TIAM1: variants seen among roughly 807,000 people sequenced by gnomAD.
The protein encoded by TIAM1 is TIAM Rac1 associated GEF 1, also known as rho guanine nucleotide exchange factor TIAM1.
TIAM1 carries 65 observed loss-of-function variants against 163.5 expected under a neutral mutation model. The observed-to-expected ratio is 0.40, with a 90% CI of 0.33 to 0.49. The LOEUF (loss-of-function observed/expected upper bound fraction) is 0.49. Among genes scored for constraint, TIAM1 ranks in the 20% least tolerant of loss-of-function variants. The probability of loss-of-function intolerance (pLI) is 0.77; values close to 1 mark genes in which losing one functional copy is unlikely to be tolerated. For missense variants in TIAM1, 1,789 were observed against 2,044.7 expected (o/e 0.87, Z 2.41); for synonymous variants, 833 against 810.1 (o/e 1.03, Z -0.48).
chr21:31,522,946 A>G (rs1310785929), intron 1 of TIAM1, among the ~76,000 whole-genome samples: 1 of 152,220 alleles, frequency 6.6e-6, no homozygotes, highest in Non-Finnish European at 1.5e-5. Flanking sequence ...TAAATTTAGG[A>G]GCAATCACAA....
At chr21:31,505,874 T>A (rs543241332) in intron 1 of TIAM1, among the ~76,000 whole-genome samples, 4 of 151,854 alleles carry the variant, frequency 2.6e-5, no homozygotes, top group Admixed American at 2.6e-4. Flanking sequence ...CCGGACGTGG[T>A]GGCGGGTGCC....
chr21:31,545,863 T>A (rs758283301), intron 1 of TIAM1, among the ~76,000 whole-genome samples: 1 of 152,128 alleles, frequency 6.6e-6, no homozygotes, highest in Non-Finnish European at 1.5e-5. Context: ...GTAAAGTGGA[T>A]TACAAAACGA....
At chr21:31,475,033 T>TA (rs1409388902) in intron 1 of TIAM1, among the ~76,000 whole-genome samples, 2 of 63,110 alleles carry the variant, frequency 3.2e-5, no homozygotes, top group Non-Finnish European at 6.5e-5. Flanking sequence ...TTTTTATTAT[T>TA]ATTATTATTA....
chr21:31,491,187 G>A (rs1481082605), intron 1 of TIAM1, among the ~76,000 whole-genome samples: 1 of 152,124 alleles, frequency 6.6e-6, no homozygotes, highest in East Asian at 1.9e-4. Context: ...AGGAGCCCAA[G>A]GATCAAGCAA....
At chr21:31,217,411 G>A (rs1332099190) in intron 9 of TIAM1, 142 bp downstream of exon 9, 1 of 1,145,584 alleles carries the variant, frequency 8.7e-7, no homozygotes, top group Non-Finnish European at 1.2e-6. Flanking sequence ...TATTAAAAGT[G>A]TCTAGCACAG....
At chr21:31,174,298 T>C (rs1482915641) in intron 15 of TIAM1, among the ~76,000 whole-genome samples, 2 of 152,254 alleles carry the variant, frequency 1.3e-5, no homozygotes, top group East Asian at 3.9e-4. Context: ...TGCTCAGCAC[T>C]TGGCAATTCC....
At chr21:31,316,726 G>T (rs1199972815) in intron 2 of TIAM1, among the ~76,000 whole-genome samples, 1 of 152,192 alleles carries the variant, frequency 6.6e-6, no homozygotes, top group African/African-American at 2.4e-5. Flanking sequence ...GGGAAGGTGA[G>T]TCATTGATGT....
intron 2 of TIAM1, among the ~76,000 whole-genome samples, chr21:31,277,477 C>G (rs953418019): frequency 2.6e-4 from 40 of 152,176 alleles, no homozygotes; most frequent in African/African-American, 9.7e-4. Context: ...GAAACCCCAT[C>G]TTTACTAAAA....
intron 2 of TIAM1, among the ~76,000 whole-genome samples, chr21:31,290,039 C>T (rs1292452503): frequency 2.0e-5 from 3 of 152,088 alleles, no homozygotes; most frequent in Non-Finnish European, 2.9e-5. Context: ...ATGCCCACCC[C>T]GAAGAGTATG....
At chr21:31,154,183 A>T in intron 17 of TIAM1, 64 bp downstream of exon 17, 1 of 1,540,164 alleles carries the variant, frequency 6.5e-7, no homozygotes, top group Non-Finnish European at 8.8e-7. Context: ...GAAAACCAGC[A>T]GACACACCAA....
chr21:31,328,075 G>C (rs1338573470), intron 2 of TIAM1, among the ~76,000 whole-genome samples: 1 of 152,014 alleles, frequency 6.6e-6, no homozygotes, highest in Non-Finnish European at 1.5e-5. Context: ...TGCTCCCTCT[G>C]TCAGCACAGG....
chr21:31,370,083 T>C (rs538707775), intron 2 of TIAM1, among the ~76,000 whole-genome samples: 13 of 152,188 alleles, frequency 8.5e-5, no homozygotes, highest in Non-Finnish European at 1.6e-4. Context: ...AAGCAGGCCC[T>C]CACCAGGCAC....
chr21:31,235,441 G>A (rs1026939698), intron 6 of TIAM1, among the ~76,000 whole-genome samples: 11 of 152,120 alleles, frequency 7.2e-5, no homozygotes, highest in African/African-American at 2.4e-4. Flanking sequence ...GGGAAGATGA[G>A]GAAAGAAGAA....
chr21:31,194,072 G>C (rs992492912), intron 13 of TIAM1, among the ~76,000 whole-genome samples: 1 of 151,978 alleles, frequency 6.6e-6, no homozygotes, highest in African/African-American at 2.4e-5. Flanking sequence ...TCCGCCGCTG[G>C]CCGGAAGACC....
At chr21:31,199,617 G>A (rs751717318) in intron 12 of TIAM1, among the ~76,000 whole-genome samples, 8 of 149,702 alleles carry the variant, frequency 5.3e-5, no homozygotes, top group South Asian at 4.2e-4. Flanking sequence ...TGTAACCTCC[G>A]CCTCCCGGGT....
intron 1 of TIAM1, among the ~76,000 whole-genome samples, chr21:31,525,176 C>T (rs1446237204): frequency 6.6e-6 from 1 of 152,006 alleles, no homozygotes; most frequent in Non-Finnish European, 1.5e-5. Flanking sequence ...TCAAGACCAG[C>T]CTGGCCAACA....
At chr21:31,546,915 ACTGTCTCAG>A (rs2048516147) in intron 1 of TIAM1, among the ~76,000 whole-genome samples, 1 of 151,600 alleles carries the variant, frequency 6.6e-6, no homozygotes, top group Admixed American at 6.6e-5. Context: ...CCCTGTTACT[ACTGTCTCAG>A]CTGTCTCAGC....
chr21:31,124,120 C>G (rs2082095975), intron 27 of TIAM1: 1 of 166,504 alleles, frequency 6.0e-6, no homozygotes, highest in African/African-American at 2.4e-5. Context: ...AGGGCTGTGA[C>G]CTTGCTGAAA....
chr21:31,347,823 C>A (rs1305202028), upstream of TIAM1, among the ~76,000 whole-genome samples: 1 of 143,930 alleles, frequency 6.9e-6, no homozygotes, highest in Admixed American at 6.7e-5. Context: ...TATGCACGAA[C>A]GTTCAGAGAA....
Sources: gnomAD v4.1 joint callset for allele counts (sites outside exome capture counted in the v4.1 genomes callset) on GRCh38, gnomAD v4.1.1 for gene constraint, MANE v1.5 for transcripts, NCBI Gene and HGNC (gene_info 2026-07-23, HGNC 2026-07-21) for gene names.